UBE3A: variants seen among roughly 807,000 people sequenced by gnomAD.
UBE3A encodes ubiquitin-protein ligase E3A.
UBE3A carries 6 observed loss-of-function variants against 83.4 expected under a neutral mutation model. That is an observed-to-expected ratio of 0.07 (90% CI 0.04 to 0.14). The LOEUF (loss-of-function observed/expected upper bound fraction) is 0.14. Among genes scored for constraint, UBE3A ranks in the 10% least tolerant of loss-of-function variants. UBE3A has a pLI of 1.00. For synonymous variants in UBE3A, 337 were observed against 355.4 expected (o/e 0.95, Z 0.58); for missense variants, 456 against 1,036.1 (o/e 0.44, Z 7.69).
chr15:25,364,941 A>C (rs576835543), intron 6 of UBE3A, among the ~76,000 whole-genome samples: 4 of 152,016 alleles, frequency 2.6e-5, no homozygotes, highest in South Asian at 4.2e-4. Context: ...CCACCGCGCC[A>C]GGCCAATTTT....
intron 4 of UBE3A, among the ~76,000 whole-genome samples, chr15:25,381,049 G>A (rs1362841075): frequency 6.6e-6 from 1 of 152,178 alleles, no homozygotes; most frequent in Non-Finnish European, 1.5e-5. Context: ...TTCACCTAGA[G>A]GGATGTGTAC....
chr15:25,339,465 T>C (rs1184370543), intron 12 of UBE3A: 6 of 505,072 alleles, frequency 1.2e-5, no homozygotes, highest in Non-Finnish European at 1.7e-5. Context: ...GATGATAAGA[T>C]ACTGTATCCA....
intron 11 of UBE3A, among the ~76,000 whole-genome samples, chr15:25,342,476 G>A (rs1231696737): frequency 1.3e-5 from 2 of 152,062 alleles, no homozygotes; most frequent in East Asian, 3.9e-4. Context: ...TCCTATAAGT[G>A]TTATGTGTGT....
intron 1 of UBE3A, among the ~76,000 whole-genome samples, chr15:25,428,160 T>TA (rs1200545891): frequency 1.3e-5 from 2 of 152,104 alleles, no homozygotes; most frequent in African/African-American, 4.8e-5. Context: ...ACTGTACACT[T>TA]AAAAAATCAT....
chr15:25,338,895 T>A lies in UBE3A; in HGVS notation c.*242A>T, dbSNP rs994630723. 7.1e-5 allele frequency: 15 copies of A among 212,490 alleles called. No individual in the cohort carries two copies. Among genetic ancestry groups the A allele is most frequent in the South Asian group, 3.0e-4 (2 of 6,628 alleles). 13.2% of individuals were successfully genotyped at this position (212,490 alleles called of 1,614,324 possible). Reference sequence around the variant, plus strand: ...TAACACTTTCACGCAAAAAAATAATTATAATAATAATAAAGGATTTGTTCA... The same window carrying A: ...TAACACTTTCACGCAAAAAAATAATAATAATAATAATAAAGGATTTGTTCA... On this transcript the variant is annotated 3_prime_UTR_variant, in exon 13 of 13. Transcript: ENST00000648336.
intron 1 of UBE3A, among the ~76,000 whole-genome samples, chr15:25,425,479 A>AC (rs1360638516): frequency 4.6e-5 from 7 of 152,222 alleles, no homozygotes; most frequent in African/African-American, 1.7e-4. Context: ...TTTGAAAGTT[A>AC]GAGAATATGT....
At chr15:25,374,228 CTT>C (rs1462145607) in intron 5 of UBE3A, 1 of 152,188 alleles carries the variant, frequency 6.6e-6, no homozygotes, top group African/African-American at 2.4e-5. Context: ...ATAATGCAGA[CTT>C]GAGCAAAAAG....
chr15:25,334,890 T>A lies in UBE3A; in HGVS notation c.*4247A>T, dbSNP rs2073885560. On this transcript the variant is annotated 3_prime_UTR_variant, in exon 13 of 13. Transcript: ENST00000648336. ...AAATGGATGAAATAGGAAACTTCAC[T>A]ACATTCTACTGCATGCTCGGTCATT... The A allele has an allele frequency of 6.6e-6, 1 of 152,176 alleles. No individual in the cohort carries two copies. Among genetic ancestry groups the A allele is most frequent in the African/African-American group, 2.4e-5 (1 of 41,428 alleles). 9.4% of individuals were successfully genotyped at this position (152,176 alleles called of 1,614,324 possible).
rs373563401 is a variant in UBE3A at position 25,364,897 on chromosome 15, T to C, written c.1609-4370A>G. ...TCCTGACCTTGTGATCTGCCCGCCTTGGCCTCCCAAAGTGCTGGGATTACA... is the reference window on the plus strand; with the variant it reads ...TCCTGACCTTGTGATCTGCCCGCCTCGGCCTCCCAAAGTGCTGGGATTACA... On this transcript the variant is annotated intron_variant, in intron 6 of 12. Coordinates refer to ENST00000648336, the MANE Select transcript of UBE3A (RefSeq NM_130839.5). 2.2e-3 allele frequency among the ~76,000 whole-genome samples: 335 copies of C among 151,950 alleles called. 1 individual carries two copies. The highest frequency in any genetic ancestry group is 3.4e-3 in the Middle Eastern group (1 of 294).
At chr15:25,359,843 C>T (rs2152726477) in intron 7 of UBE3A, among the ~76,000 whole-genome samples, 1 of 152,260 alleles carries the variant, frequency 6.6e-6, no homozygotes, top group South Asian at 2.1e-4. Flanking sequence ...AACAACTCTT[C>T]TGTTAGGGCA....
intron 2 of UBE3A, among the ~76,000 whole-genome samples, chr15:25,411,473 C>G (rs2089981543): frequency 6.6e-6 from 1 of 152,168 alleles, no homozygotes; most frequent in African/African-American, 2.4e-5. Context: ...GCCTGTAATC[C>G]CAGCTACCTG....
chr15:25,343,129 T>C (rs1488020576), intron 11 of UBE3A, among the ~76,000 whole-genome samples: 1 of 152,066 alleles, frequency 6.6e-6, no homozygotes, highest in Non-Finnish European at 1.5e-5. Flanking sequence ...ACACAATTCC[T>C]CCCTGCTCCA....
intron 4 of UBE3A, among the ~76,000 whole-genome samples, chr15:25,376,468 G>A (rs1395125250): frequency 1.3e-5 from 2 of 151,868 alleles, no homozygotes; most frequent in Non-Finnish European, 2.9e-5. Flanking sequence ...GCAACATAGT[G>A]AGGCTACTCT....
At position 25,380,563 on chromosome 15, in the gene UBE3A, G is replaced by A. The variant is rs138721740; in HGVS notation, c.63-4800C>T. On this transcript the variant is annotated intron_variant, in intron 4 of 12. Coordinates refer to ENST00000648336, the MANE Select transcript of UBE3A (RefSeq NM_130839.5). ...TACTATTAAAGAAAAGAAGAGGAGAGGGGAAAAGGGAAAAAGGGGAAAAGA... is the reference window on the plus strand; with the variant it reads ...TACTATTAAAGAAAAGAAGAGGAGAAGGGAAAAGGGAAAAAGGGGAAAAGA... Among the ~76,000 whole-genome samples, 512 of 152,050 alleles carry A rather than the reference G, an allele frequency of 3.4e-3. 3 individuals carry two copies. The highest frequency in any genetic ancestry group is 0.013 in the Admixed American group (193 of 15,262).
chr15:25,365,397 G>A (rs764582808), intron 6 of UBE3A, among the ~76,000 whole-genome samples: 14 of 152,084 alleles, frequency 9.2e-5, no homozygotes, highest in Non-Finnish European at 7.4e-5. Flanking sequence ...TTAAGTAGAA[G>A]CAATAATCAG....
At chr15:25,387,610 T>C (rs1018531267) in intron 4 of UBE3A, among the ~76,000 whole-genome samples, 1 of 151,246 alleles carries the variant, frequency 6.6e-6, no homozygotes, top group Admixed American at 6.6e-5. Context: ...TAAATCCAAA[T>C]AGAAGTAATA....
chr15:25,374,244 AG>A (rs1309525243), intron 5 of UBE3A: 4 of 152,252 alleles, frequency 2.6e-5, no homozygotes, highest in Non-Finnish European at 4.4e-5. Flanking sequence ...CAAAAAGAGG[AG>A]GGGGCATAAA....
intron 4 of UBE3A, among the ~76,000 whole-genome samples, chr15:25,384,466 A>T (rs938599318): frequency 6.6e-6 from 1 of 151,672 alleles, no homozygotes; most frequent in Non-Finnish European, 1.5e-5. Context: ...TCTCAAAAAA[A>T]AAAAAAAAAG....
chr15:25,394,289 G>A (rs1350056897), intron 4 of UBE3A, among the ~76,000 whole-genome samples: 2 of 152,044 alleles, frequency 1.3e-5, no homozygotes, highest in African/African-American at 2.4e-5. Flanking sequence ...ATACTGTCTC[G>A]ATAACAGTGT....
Sources: allele counts gnomAD v4.1 joint callset (sites outside exome capture counted in the v4.1 genomes callset), GRCh38; gene constraint gnomAD v4.1.1; transcripts MANE v1.5; gene names NCBI Gene and HGNC (gene_info 2026-07-23, HGNC 2026-07-21).